DAZL: variants seen among roughly 807,000 people sequenced by gnomAD.
DAZL encodes the protein deleted in azoospermia like.
A neutral mutation model predicts 45.0 loss-of-function variants in DAZL; 4 were observed. The observed-to-expected ratio is 0.09, with a 90% confidence interval of 0.04 to 0.20. The LOEUF is 0.20. Among genes scored for constraint, DAZL ranks in the 10% least tolerant of loss-of-function variants. The pLI is 1.00. For synonymous variants in DAZL, 122 were observed against 112.4 expected, an observed-to-expected ratio of 1.09 and a Z score of -0.54; for missense variants, 326 against 351.3, an observed-to-expected ratio of 0.93 and a Z score of 0.58.
In DAZL at chr3:16,598,487, GC is replaced by G; in HGVS notation, c.114del (p.Met38IlefsTer29). ...ATTCCTCCAACAAAAACAGTGTTTG[GC>G]ATGATTTTGCCTTCTGGTAAAATAT... ...QGYILPEGKI[M>X]PNTVFVGGID... On this transcript the variant is annotated frameshift_variant, in exon 2 of 11. Transcript: ENST00000399444. LOFTEE classifies it high-confidence loss of function. The G allele has an allele frequency of 6.2e-7, 1 of 1,609,044 alleles. No individual in the cohort carries two copies. Among genetic ancestry groups the G allele is most frequent in the Non-Finnish European group, 8.5e-7 (1 of 1,178,420 alleles).
In DAZL at chr3:16,598,962, T is replaced by C. The variant is rs559415781; in HGVS notation, c.4-364A>G. ...CCACGCCCGGCTAATTTTGTATTTT[T>C]AGTAGAGATGGGGTTTCTCCATGTT... On this transcript the variant is annotated intron_variant, in intron 1 of 10. Coordinates refer to ENST00000399444, the MANE Select transcript of DAZL (RefSeq NM_001351.4). Among the ~76,000 whole-genome samples the C allele has an allele frequency of 3.3e-3, 496 of 152,182 alleles. 3 individuals are homozygous for C. Among genetic ancestry groups the C allele is most frequent in the African/African-American group, 0.011 (461 of 41,530 alleles).
At chr3:16,598,045 A>T (rs1183121748) in intron 3 of DAZL, 42 bp downstream of exon 3, 1 of 1,442,428 alleles carries the variant, frequency 6.9e-7, no homozygotes, top group Non-Finnish European at 9.7e-7. Flanking sequence ...CTGATACTCT[A>T]TACGTGGCTA....
At chr3:16,593,563 T>C in intron 9 of DAZL, 92 bp downstream of exon 9, 3 of 855,558 alleles carry the variant, frequency 3.5e-6, no homozygotes, top group Non-Finnish European at 5.5e-6. Flanking sequence ...CAATTACAAA[T>C]TTCTGCTGAA....
rs1694764323 is a variant in DAZL at position 16,605,392 on chromosome 3, C to G, written c.-187G>C. On this transcript the variant is annotated 5_prime_UTR_variant, in exon 1 of 11. Transcript: ENST00000399444. Reference sequence around the variant, plus strand: ...GACAAGGCTGAGGAGCCCCGAAAGGCGGACCGTCAGGCTGAGGAGCGCAGG... The same window carrying G: ...GACAAGGCTGAGGAGCCCCGAAAGGGGGACCGTCAGGCTGAGGAGCGCAGG... 2 of 720,276 alleles carry G rather than the reference C, an allele frequency of 2.8e-6. No individual in the cohort carries two copies. The highest frequency in any genetic ancestry group is 1.8e-5 in the African/African-American group (1 of 57,046). 44.6% of individuals were successfully genotyped at this position (720,276 alleles called of 1,614,324 possible). A position where few individuals can be genotyped will look rare whatever the true frequency, so the allele number is the denominator to read the frequency against.
intron 10 of DAZL, among the ~76,000 whole-genome samples, chr3:16,591,285 C>T (rs1464172732): frequency 2.0e-5 from 3 of 152,108 alleles, no homozygotes; most frequent in Non-Finnish European, 4.4e-5. Context: ...CATTCTCTTC[C>T]ACTTTACCAA....
intron 6 of DAZL, among the ~76,000 whole-genome samples, chr3:16,595,868 A>G (rs765808011): frequency 6.6e-6 from 1 of 152,066 alleles, no homozygotes; most frequent in African/African-American, 2.4e-5. Flanking sequence ...ATATAATCCA[A>G]AACTGGAAAA....
intron 1 of DAZL, among the ~76,000 whole-genome samples, chr3:16,603,824 T>C (rs112544745): frequency 3.9e-5 from 6 of 152,326 alleles, no homozygotes; most frequent in South Asian, 4.1e-4. Flanking sequence ...CTTGTAAAAG[T>C]TGGCCCATCT....
chr3:16,602,310 T>C (rs904853385), intron 1 of DAZL, among the ~76,000 whole-genome samples: 1 of 152,138 alleles, frequency 6.6e-6, no homozygotes, highest in African/African-American at 2.4e-5. Flanking sequence ...GTAGAGAAAT[T>C]TAAATTTTTA....
intron 1 of DAZL, chr3:16,604,786 GGAGTGGGGGAGGGGCGGAGGCGCGT>G (rs1374362648): frequency 1.3e-5 from 17 of 1,358,446 alleles, no homozygotes; most frequent in South Asian, 3.7e-5. Flanking sequence ...GAGGCGCGTG[GGAGTGGGGGAGGGGCGGAGGCGCGT>G]GAGTGGGGGA....
chr3:16,595,735 G>A (rs1317882168), intron 6 of DAZL, among the ~76,000 whole-genome samples: 1 of 149,196 alleles, frequency 6.7e-6, no homozygotes, highest in Non-Finnish European at 1.5e-5. Context: ...TAATACATTT[G>A]CTATTTCTTT....
chr3:16,604,610 G>A lies in DAZL; in HGVS notation c.3+593C>T, dbSNP rs925824881. On this transcript the variant is annotated intron_variant, in intron 1 of 10. Transcript: ENST00000399444. ...CAGGACGCCCCACACCCCACGCTGA[G>A]GCCCCCACGAACCCCGCCCACCCCA... is the stretch of plus-strand genomic sequence containing the variant. 8 of 1,378,194 alleles carry A rather than the reference G, an allele frequency of 5.8e-6. No individual in the cohort carries two copies. The African/African-American group carries it at 7.4e-5, about 13-fold the overall frequency. The allele number at this position is 1,378,194 out of a possible 1,614,324, so 85.4% of individuals were successfully genotyped here.
chr3:16,602,666 GA>G (rs769185855), intron 1 of DAZL, among the ~76,000 whole-genome samples: 1 of 152,246 alleles, frequency 6.6e-6, no homozygotes, highest in East Asian at 1.9e-4. Flanking sequence ...GGAAATGCAA[GA>G]ATACTTCACA....
intron 1 of DAZL, chr3:16,604,479 G>C: frequency 1.3e-6 from 2 of 1,526,910 alleles, no homozygotes; most frequent in African/African-American, 2.8e-5. Flanking sequence ...CTTTTCTGTC[G>C]CCGCCACACG....
intron 9 of DAZL, among the ~76,000 whole-genome samples, chr3:16,593,343 A>G (rs1401534749): frequency 2.6e-5 from 4 of 152,198 alleles, no homozygotes; most frequent in Non-Finnish European, 5.9e-5. Context: ...ATATTAGTCA[A>G]TTATTTAAGA....
Position 16,605,291 on chromosome 3 carries a change from C to A in DAZL, c.-86G>T. ...ACCACTTCTGGGGCTGCTGTGAGGTCCGCTGGAACCCGCTGCGCGGCTTCG... is the reference window on the plus strand; with the variant it reads ...ACCACTTCTGGGGCTGCTGTGAGGTACGCTGGAACCCGCTGCGCGGCTTCG... On this transcript the variant is annotated 5_prime_UTR_variant, in exon 1 of 11. Transcript: ENST00000399444. The A allele has an allele frequency of 6.7e-7, 1 of 1,502,730 alleles. No homozygotes were observed. The highest frequency in any genetic ancestry group is 9.3e-7 in the Non-Finnish European group (1 of 1,078,682). The allele number at this position is 1,502,730 out of a possible 1,614,324, so 93.1% of individuals were successfully genotyped here.
chr3:16,588,902 T>A (rs1042408611), intron 10 of DAZL, among the ~76,000 whole-genome samples, 189 bp from the exon 11 acceptor site: 1 of 152,040 alleles, frequency 6.6e-6, no homozygotes, highest in African/African-American at 2.4e-5. Context: ...ATGGCTAGTT[T>A]TATTAAACAG....
At chr3:16,604,691 T>A in intron 1 of DAZL, 8 of 1,352,452 alleles carry the variant, frequency 5.9e-6, no homozygotes, top group Non-Finnish European at 7.6e-6. Context: ...GCCCTCGAAG[T>A]TTAAGAAGGC....
chr3:16,589,899 TAAA>T (rs34303748), intron 10 of DAZL, among the ~76,000 whole-genome samples: 1 of 143,932 alleles, frequency 6.9e-6, no homozygotes, highest in Admixed American at 6.9e-5. Flanking sequence ...TTCTGTCTCT[TAAA>T]AAAAAAAAAA....
intron 8 of DAZL, 90 bp downstream of exon 8, chr3:16,594,443 T>G (rs1694566497): frequency 3.1e-6 from 3 of 971,138 alleles, no homozygotes; most frequent in East Asian, 5.3e-5. Flanking sequence ...TATAGGCATA[T>G]ATGACATGGA....
Sources: gnomAD v4.1 joint callset for allele counts (sites outside exome capture counted in the v4.1 genomes callset) on GRCh38, gnomAD v4.1.1 for gene constraint, MANE v1.5 for transcripts, NCBI Gene and HGNC (gene_info 2026-07-23, HGNC 2026-07-21) for gene names.